TAP2: variants seen among roughly 807,000 people sequenced by gnomAD.
TAP2 encodes transporter 2, ATP binding cassette subfamily B member, also known as antigen peptide transporter 2.
In TAP2, 49 loss-of-function variants were observed where a neutral mutation model predicts 74.7. That is an observed-to-expected ratio of 0.66 (90% CI 0.52 to 0.83). The LOEUF is 0.83. Among genes scored for constraint, TAP2 ranks in the 40% least tolerant of loss-of-function variants. The pLI, the probability that TAP2 is intolerant of heterozygous loss-of-function variation, is 0.00. For synonymous variants in TAP2, 306 were observed against 368.4 expected (o/e 0.83, Z 1.94); for missense variants, 739 against 859.0 (o/e 0.86, Z 1.75).
Position 32,829,922 on chromosome 6 carries a change from G to C in TAP2, c.1795+8C>G. Reference sequence around the variant, plus strand: ...TGAAGGAGCAAGCTTACAATTTGTAGAAGATACCTGTGTATATTCCATGCT... The same window carrying C: ...TGAAGGAGCAAGCTTACAATTTGTACAAGATACCTGTGTATATTCCATGCT... On this transcript the variant is annotated splice_region_variant and intron_variant, in intron 10 of 11. Coordinates refer to ENST00000374897, the MANE Select transcript of TAP2 (RefSeq NM_001290043.2). The C allele has an allele frequency of 1.2e-6, 2 of 1,613,088 alleles. No individual in the cohort carries two copies. The highest frequency in any genetic ancestry group is 1.7e-6 in the Non-Finnish European group (2 of 1,179,992).
rs1473429520 is a variant in TAP2, at chr6:32,835,135, C to T, written c.945+19G>A. 1 of 1,611,386 alleles carries T rather than the reference C, an allele frequency of 6.2e-7. No individual in the cohort carries two copies. The highest frequency in any genetic ancestry group is 8.5e-7 in the Non-Finnish European group (1 of 1,179,792). The stretch of plus-strand genomic sequence containing the variant: ...TCAGTTTTATTCTCCCTTTGGGGTT[C>T]CCTTACATGCACGCTCACCTGATGG... On this transcript the variant is annotated intron_variant, in intron 5 of 11. Transcript: ENST00000374897. The surrounding 1 kb of genome is among the most constrained non-coding windows in gnomAD (Gnocchi z 4.0).
rs1768772060 is a variant in TAP2, at chr6:32,828,066, T to A, written c.*840A>T. 1.5e-5 allele frequency: 14 copies of A among 939,316 alleles called. No individual in the cohort carries two copies. Among genetic ancestry groups the A allele is most frequent in the Non-Finnish European group, 1.8e-5 (14 of 788,304 alleles). The allele number at this position is 939,316 out of a possible 1,614,324, so 58.2% of individuals were successfully genotyped here. ...TTGGGTCAGGGTGTGGACTCTAGGG[T>A]CAGGCCTGTGTTCAAACTCCAACTC... is the stretch of plus-strand genomic sequence containing the variant. On this transcript the variant is annotated 3_prime_UTR_variant, in exon 12 of 12. Coordinates refer to ENST00000374897, the MANE Select transcript of TAP2 (RefSeq NM_001290043.2).
rs376269038 is a variant in TAP2 at position 32,835,047 on chromosome 6, TGAG to T, written c.945+104_945+106del. The T allele has an allele frequency of 5.7e-4, 685 of 1,191,682 alleles. 7 individuals are homozygous for T. In the African/African-American group the frequency reaches 8.6e-3, roughly 15 times the overall value. The allele number at this position is 1,191,682 out of a possible 1,614,324, so 73.8% of individuals were successfully genotyped here. On this transcript the variant is annotated intron_variant, in intron 5 of 11. Transcript: ENST00000374897. The surrounding 1 kb of genome is among the most constrained non-coding windows in gnomAD (Gnocchi z 4.0). ...ACAATATACCTTCTCCCCTAATGGCTGAGAAGAGAACATCTCTCTCTAGGGGAT... is the reference window on the plus strand; with the variant it reads ...ACAATATACCTTCTCCCCTAATGGCTAAGAGAACATCTCTCTCTAGGGGAT...
intron 2 of TAP2, 41 bp from the exon 3 acceptor site, chr6:32,837,692 C>T (rs756911744): frequency 3.7e-6 from 6 of 1,613,980 alleles, no homozygotes; most frequent in East Asian, 2.2e-5. Context: ...TGTGCTGGTG[C>T]CCAGGCCCTT....
chr6:32,832,941 T>C lies in TAP2; in HGVS notation c.946-117A>G. The C allele has an allele frequency of 8.9e-7, 1 of 1,119,512 alleles. No individual in the cohort carries two copies. Among genetic ancestry groups the C allele is most frequent in the East Asian group, 2.5e-5 (1 of 39,898 alleles). 69.3% of individuals were successfully genotyped at this position (1,119,512 alleles called of 1,614,324 possible). A position where few individuals can be genotyped will look rare whatever the true frequency, so the allele number is the denominator to read the frequency against. On this transcript the variant is annotated intron_variant, in intron 5 of 11. Transcript: ENST00000374897. This position sits in a 1 kb window ranked among gnomAD's most constrained non-coding sequence, Gnocchi z 5.9. ...ACCTAAAAATACCAAACTGTTTCTC[T>C]CCCTCTTCCTTACTCTTCTTTCCAG...
In TAP2 at chr6:32,828,867, C is replaced by T. The variant is rs766529983; in HGVS notation, c.*39G>A. On this transcript the variant is annotated 3_prime_UTR_variant, in exon 12 of 12. Coordinates refer to ENST00000374897, the MANE Select transcript of TAP2 (RefSeq NM_001290043.2). The stretch of plus-strand genomic sequence containing the variant: ...TATCCCTGGGGCCTCAGTCCATCAG[C>T]CGCTGCTGCACCAGGCGGGAATAGA... 29 of 1,522,056 alleles carry T rather than the reference C, an allele frequency of 1.9e-5. No homozygotes were observed. Among genetic ancestry groups the T allele is most frequent in the Non-Finnish European group, 2.6e-5 (29 of 1,127,864 alleles). The allele number at this position is 1,522,056 out of a possible 1,614,324, so 94.3% of individuals were successfully genotyped here.
Position 32,828,681 on chromosome 6 carries a change from A to ACCCCCCCCCCCCCC in TAP2, c.*224_*225insGGGGGGGGGGGGGG. The ACCCCCCCCCCCCCC allele has an allele frequency of 1.6e-6, 1 of 606,164 alleles. No individual in the cohort carries two copies. The allele number at this position is 606,164 out of a possible 1,614,324, so 37.5% of individuals were successfully genotyped here. On this transcript the variant is annotated 3_prime_UTR_variant, in exon 12 of 12. Transcript: ENST00000374897. The stretch of plus-strand genomic sequence containing the variant: ...AGTTTCCTGGACACAGACAGCCCCC[A>ACCCCCCCCCCCCCC]CCCCACCCCACCCCACCTCTCTACC...
chr6:32,834,425 C>T (rs902409861), intron 5 of TAP2, among the ~76,000 whole-genome samples: 6 of 152,298 alleles, frequency 3.9e-5, no homozygotes, highest in South Asian at 2.1e-4. Context: ...CGTACCGCAC[C>T]GGGAGTCATC....
At chr6:32,829,345 C>T in intron 11 of TAP2, 55 bp downstream of exon 11, 1 of 1,558,242 alleles carries the variant, frequency 6.4e-7, no homozygotes, top group Non-Finnish European at 8.7e-7. Context: ...CAGTCTGATC[C>T]TCCCAGCATG....
rs1769531825 is a variant in TAP2, at chr6:32,837,942, G to A, written c.292C>T (p.Pro98Ser). The A allele has an allele frequency of 6.2e-7, 1 of 1,612,828 alleles. No individual in the cohort carries two copies. The highest frequency in any genetic ancestry group is 8.5e-7 in the Non-Finnish European group (1 of 1,179,938). Residue 98 changes from proline to serine, a missense_variant, in exon 2 of 12, where the codon CCT (proline) becomes TCT (serine). By Grantham distance (74) the Pro-to-Ser change is moderately conservative (BLOSUM62 -1). Coordinates refer to ENST00000374897, the MANE Select transcript of TAP2 (RefSeq NM_001290043.2). ...RAPPARVASA[P>S]WSWLLVGYGA... ...TACCCCACCAGCAGCCAGCTCCAAG[G>A]GGCTGAAGCGACTCTGGCTGGGGGA...
Position 32,832,391 on chromosome 6 carries a change from G to A in TAP2, c.1214C>T (p.Thr405Ile), listed in dbSNP as rs764691030. The change falls in exon 7 of 12, where the codon ACC (threonine) becomes ATC (isoleucine). Residue 405 changes from threonine to isoleucine, a missense_variant. Transcript: ENST00000374897. The surrounding 1 kb of genome is among the most constrained non-coding windows in gnomAD (Gnocchi z 5.9). ...CATAAAGGAAAGCAGGCTGCCCTGG[G>A]TGAGCTCCCCATCCTGCATCTGCTG... ...GLQQMQDGEL[T>I]QGSLLSFMIY... The A allele has an allele frequency of 6.2e-7, 1 of 1,613,028 alleles. No individual in the cohort carries two copies. The highest frequency in any genetic ancestry group is 8.5e-7 in the Non-Finnish European group (1 of 1,180,030).
At position 32,835,470 on chromosome 6, in the gene TAP2, C is replaced by T; in HGVS notation, c.740-111G>A. 6.9e-7 allele frequency: 1 copy of T among 1,442,252 alleles called. No individual in the cohort carries two copies. 89.3% of individuals were successfully genotyped at this position (1,442,252 alleles called of 1,614,324 possible). A position where few individuals can be genotyped will look rare whatever the true frequency, so the allele number is the denominator to read the frequency against. On this transcript the variant is annotated intron_variant, in intron 4 of 11. Transcript: ENST00000374897. The surrounding 1 kb of genome is among the most constrained non-coding windows in gnomAD (Gnocchi z 4.0). Reference sequence around the variant, plus strand: ...CACAGCCCCCTCCTCTGAACATCCTCCTTCACTTGCAGAGGGACAGTGGAG... The same window carrying T: ...CACAGCCCCCTCCTCTGAACATCCTTCTTCACTTGCAGAGGGACAGTGGAG...
downstream of TAP2, among the ~76,000 whole-genome samples, chr6:32,823,666 T>A (rs187939601): frequency 3.8e-3 from 572 of 152,232 alleles, 6 homozygotes; most frequent in African/African-American, 0.013. Flanking sequence ...TTTTCATTTA[T>A]TTAGTTCAGT....
At position 32,829,977 on chromosome 6, in the gene TAP2, G is replaced by A. The variant is rs2127353943; in HGVS notation, c.1748C>T (p.Ala583Val). The A allele has an allele frequency of 6.2e-7, 1 of 1,613,052 alleles. No homozygotes were observed. The highest frequency in any genetic ancestry group is 8.5e-7 in the Non-Finnish European group (1 of 1,180,006). ...TTCCTGGATGAAGTCATCTGCGTGG[G>A]CAGCCTGGGCAGCCGCCATCACCTT... ...DDKVMAAAQA[A>V]HADDFIQEME... The change falls in exon 10 of 12, where the codon GCC (alanine) becomes GTC (valine). Residue 583 changes from alanine to valine, a missense_variant. Transcript: ENST00000374897.
downstream of TAP2, chr6:32,822,227 A>T: frequency 1.5e-6 from 2 of 1,315,084 alleles, no homozygotes; most frequent in Non-Finnish European, 2.1e-6. Context: ...AATGTTGGTG[A>T]TGCTTTGTTC....
Position 32,835,088 on chromosome 6 carries a change from A to T in TAP2, c.945+66T>A. On this transcript the variant is annotated intron_variant, in intron 5 of 11. Coordinates refer to ENST00000374897, the MANE Select transcript of TAP2 (RefSeq NM_001290043.2). The surrounding 1 kb of genome is among the most constrained non-coding windows in gnomAD (Gnocchi z 4.0). Reference sequence around the variant, plus strand: ...CTCTCTAGGGGATCCTCTAGCCACAAATGTGGAAGCCTCCTCACCTGTCAG... The same window carrying T: ...CTCTCTAGGGGATCCTCTAGCCACATATGTGGAAGCCTCCTCACCTGTCAG... The T allele has an allele frequency of 6.5e-7, 1 of 1,549,284 alleles. No homozygotes were observed. The highest frequency in any genetic ancestry group is 1.1e-5 in the South Asian group (1 of 88,378).
At chr6:32,824,972 G>A (rs866473213), downstream of TAP2, among the ~76,000 whole-genome samples, 7 of 151,796 alleles carry the variant, frequency 4.6e-5, no homozygotes, top group African/African-American at 1.7e-4. Flanking sequence ...GTTTGTGTGT[G>A]TGTTTATTTT....
intron 7 of TAP2, among the ~76,000 whole-genome samples, chr6:32,831,857 TA>T (rs1769101434): frequency 6.6e-6 from 1 of 152,230 alleles, no homozygotes; most frequent in Non-Finnish European, 1.5e-5. Flanking sequence ...CAAAGTATAA[TA>T]AACACACTCA....
chr6:32,830,333 T>G lies in TAP2; in HGVS notation c.1569A>C (p.Thr523=), dbSNP rs781548098. 29 of 1,612,980 alleles carry G rather than the reference T, an allele frequency of 1.8e-5. No individual in the cohort carries two copies. Among genetic ancestry groups the G allele is most frequent in the Non-Finnish European group, 2.5e-5 (29 of 1,180,008 alleles). The change falls in exon 9 of 12, where the codon ACA becomes ACC. Residue 523 remains threonine, a synonymous_variant. Transcript: ENST00000374897. ...TTTCATCCAGCAGCACCTGTCCCCC[T>G]GTGGGCTGGTACAGATTCTGCAGCA... ...AALLQNLYQP[T]GGQVLLDEKP...
Sources: gnomAD v4.1 joint callset for allele counts (sites outside exome capture counted in the v4.1 genomes callset) on GRCh38, gnomAD v4.1.1 for gene constraint, Gnocchi (gnomAD v3.1) non-coding constraint, MANE v1.5 for transcripts, NCBI Gene and HGNC (gene_info 2026-07-23, HGNC 2026-07-21) for gene names.